TJP1: variants seen among roughly 807,000 people sequenced by gnomAD.
TJP1 encodes the protein tight junction protein ZO-1.
TJP1 carries 43 observed loss-of-function variants against 194.2 expected under a neutral mutation model. The observed-to-expected ratio is 0.22, with a 90% CI of 0.17 to 0.29. TJP1 has a LOEUF of 0.29. Ranked by LOEUF, TJP1 falls within the 10% of genes least tolerant of loss-of-function variation. The probability of loss-of-function intolerance (pLI) is 1.00; values close to 1 mark genes in which losing one functional copy is unlikely to be tolerated. For missense variants in TJP1, 1,971 were observed against 2,185.7 expected (o/e 0.90, Z 1.96); for synonymous variants, 801 against 779.0 (o/e 1.03, Z -0.47).
rs2152019667 is a variant in TJP1, at chr15:29,822,077, C to T, written c.-49G>A. 2 of 1,245,284 alleles carry T rather than the reference C, an allele frequency of 1.6e-6. No homozygotes were observed. The highest frequency in any genetic ancestry group is 4.2e-5 in the Admixed American group (1 of 23,750). 77.1% of individuals were successfully genotyped at this position (1,245,284 alleles called of 1,614,324 possible). A position where few individuals can be genotyped will look rare whatever the true frequency, so the allele number is the denominator to read the frequency against. On this transcript the variant is annotated 5_prime_UTR_variant, in exon 1 of 28. Transcript: ENST00000614355. ...GAGGCTCCTCGGACCCGAAACTCCG[C>T]GGCGCTGGCCCGCCCGCTCCTCACG...
intron 2 of TJP1, among the ~76,000 whole-genome samples, chr15:29,907,426 T>C (rs2053853023): frequency 6.6e-6 from 1 of 151,798 alleles, no homozygotes; most frequent in Non-Finnish European, 1.5e-5. Context: ...CAAAAAAGAA[T>C]TGAAAAGAAG....
intron 2 of TJP1, among the ~76,000 whole-genome samples, chr15:29,890,738 CA>C (rs769051812): frequency 8.6e-5 from 13 of 151,698 alleles, no homozygotes; most frequent in Non-Finnish European, 1.6e-4. Flanking sequence ...TGAGACAGTA[CA>C]TCTCTATCAA....
intron 2 of TJP1, among the ~76,000 whole-genome samples, chr15:29,890,517 A>G (rs138344414): frequency 6.6e-6 from 1 of 152,338 alleles, no homozygotes; most frequent in East Asian, 1.9e-4. Flanking sequence ...AAAAATGGAC[A>G]GCTGTCAGGA....
intron 2 of TJP1, among the ~76,000 whole-genome samples, chr15:29,797,608 A>G (rs2048500105): frequency 6.6e-6 from 1 of 152,000 alleles, no homozygotes; most frequent in African/African-American, 2.4e-5. Flanking sequence ...AAATCTCAAA[A>G]CTCAGTAACT....
At chr15:29,783,721 C>T (rs1167800698) in intron 2 of TJP1, among the ~76,000 whole-genome samples, 7 of 152,184 alleles carry the variant, frequency 4.6e-5, no homozygotes, top group African/African-American at 1.7e-4. Context: ...GAAAACCAAA[C>T]ACTGCATGTT....
At chr15:29,879,834 C>T (rs918286695) in intron 2 of TJP1, among the ~76,000 whole-genome samples, 2 of 152,154 alleles carry the variant, frequency 1.3e-5, no homozygotes, top group African/African-American at 4.8e-5. Flanking sequence ...ACCTTAGCTT[C>T]CCAAGTAGCT....
intron 2 of TJP1, among the ~76,000 whole-genome samples, chr15:29,839,394 C>A (rs2051148343): frequency 6.6e-6 from 1 of 152,144 alleles, no homozygotes; most frequent in Admixed American, 6.5e-5. Context: ...GTAATCCCAA[C>A]ACTTTAAGAT....
chr15:29,808,604 AT>A (rs2049272819), intron 1 of TJP1, among the ~76,000 whole-genome samples: 1 of 152,230 alleles, frequency 6.6e-6, no homozygotes, highest in African/African-American at 2.4e-5. Flanking sequence ...ATTTTAAAAA[AT>A]GATAAGTGCT....
chr15:29,779,049 C>A (rs1274073308), intron 2 of TJP1, among the ~76,000 whole-genome samples: 1 of 152,168 alleles, frequency 6.6e-6, no homozygotes, highest in Non-Finnish European at 1.5e-5. Flanking sequence ...TCCCCACTAG[C>A]AAGTCACATA....
intron 1 of TJP1, among the ~76,000 whole-genome samples, chr15:29,813,585 C>T (rs533139333): frequency 3.9e-5 from 6 of 152,200 alleles, no homozygotes; most frequent in South Asian, 2.1e-4. Context: ...ATTCTGTATG[C>T]GCAAAGTTCA....
intron 2 of TJP1, among the ~76,000 whole-genome samples, chr15:29,850,022 A>G (rs983623806): frequency 1.3e-5 from 2 of 152,152 alleles, no homozygotes; most frequent in African/African-American, 4.8e-5. Context: ...AGGGCATTCA[A>G]GCAGCACCCT....
At chr15:29,912,944 T>C (rs961180861) in intron 2 of TJP1, among the ~76,000 whole-genome samples, 1 of 152,202 alleles carries the variant, frequency 6.6e-6, no homozygotes, top group Non-Finnish European at 1.5e-5. Context: ...AGGCAGACAG[T>C]TCTGCAGGAT....
chr15:29,750,839 A>C (rs921849174), intron 8 of TJP1, among the ~76,000 whole-genome samples: 2 of 152,224 alleles, frequency 1.3e-5, no homozygotes, highest in Admixed American at 1.3e-4. Flanking sequence ...ACCACAGTTT[A>C]GGTTGAAAAC....
Position 29,708,973 on chromosome 15 carries a change from T to C in TJP1, c.4436A>G (p.Gln1479Arg). ...LVSKPDPPPS[Q>R]NKPATFRPPN... ...TGGTCTGAAAGTTGCTGGCTTATTC[T>C]GAGATGGAGGTGGGTCTGGTTTGGA... The change falls in exon 25 of 28, where the codon CAG (glutamine) becomes CGG (arginine). Residue 1479 changes from glutamine (Q) to arginine (R), a missense_variant. By Grantham distance (43) the Gln-to-Arg change is conservative. This residue lies in a region of TJP1 where 1,108 missense variants were observed against 1,128.5 expected (regional missense o/e 0.98). Transcript: ENST00000614355. The C allele has an allele frequency of 2.5e-6, 4 of 1,614,224 alleles. No homozygotes were observed. The highest frequency in any genetic ancestry group is 1.7e-5 in the Admixed American group (1 of 60,020).
chr15:29,722,841 T>C (rs572941540), intron 18 of TJP1, among the ~76,000 whole-genome samples: 21 of 152,332 alleles, frequency 1.4e-4, no homozygotes, highest in African/African-American at 4.3e-4. Context: ...CCTTGCATCA[T>C]TGTAGCCTGG....
At chr15:29,769,061 A>G (rs1023465622) in intron 4 of TJP1, among the ~76,000 whole-genome samples, 1 of 152,230 alleles carries the variant, frequency 6.6e-6, no homozygotes, top group Non-Finnish European at 1.5e-5. Context: ...AAATGATACA[A>G]AACAACAAAC....
At chr15:29,742,999 T>C in intron 8 of TJP1, 1 of 355,866 alleles carries the variant, frequency 2.8e-6, no homozygotes, top group Middle Eastern at 7.5e-4. Flanking sequence ...AAGAAATATA[T>C]CTATAATAGC....
chr15:29,791,522 G>C (rs1326153620), intron 2 of TJP1, among the ~76,000 whole-genome samples: 1 of 135,576 alleles, frequency 7.4e-6, no homozygotes. Context: ...CCAGGTTCAC[G>C]CCATTCTCCT....
chr15:29,928,261 C>T (rs901434000), intron 2 of TJP1, among the ~76,000 whole-genome samples: 1 of 152,046 alleles, frequency 6.6e-6, no homozygotes, highest in African/African-American at 2.4e-5. Flanking sequence ...AAAAGACGAA[C>T]CAATAAACAT....
Sources: gnomAD v4.1 joint callset for allele counts (sites outside exome capture counted in the v4.1 genomes callset) on GRCh38, gnomAD v4.1.1 for gene constraint, gnomAD v4.1.1 regional missense constraint, MANE v1.5 for transcripts, NCBI Gene and HGNC (gene_info 2026-07-23, HGNC 2026-07-21) for gene names.